Variants in WDR36 observed in about 807,000 individuals in gnomAD.
WDR36 encodes the protein WD repeat-containing protein 36.
Under a neutral mutation model 112.7 loss-of-function variants are expected in WDR36, and 63 were observed. That is an observed-to-expected ratio of 0.56 (90% CI 0.46 to 0.69). The LOEUF (loss-of-function observed/expected upper bound fraction) is 0.69, where lower values mean the gene tolerates loss of function less well. WDR36 is among the 30% of genes least tolerant of loss of function. The pLI is 0.00. For synonymous variants in WDR36, 410 were observed against 362.2 expected (o/e 1.13, Z -1.50); for missense variants, 1,226 against 1,070.3 (o/e 1.15, Z -2.03).
chr5:111,116,996 T>C (rs868431875), intron 16 of WDR36, among the ~76,000 whole-genome samples: 1 of 152,234 alleles, frequency 6.6e-6, no homozygotes, highest in African/African-American at 2.4e-5. Context: ...GTTTAATCTT[T>C]ATATGTGTTA....
intron 13 of WDR36, 101 bp downstream of exon 13, chr5:111,110,404 A>G: frequency 2.1e-6 from 2 of 962,946 alleles, no homozygotes; most frequent in Non-Finnish European, 3.3e-6. Flanking sequence ...ATTTTGCTAA[A>G]GTTGAAGATG....
At chr5:111,101,356 T>A (rs1001158126) in intron 5 of WDR36, among the ~76,000 whole-genome samples, 3 of 151,832 alleles carry the variant, frequency 2.0e-5, no homozygotes, top group African/African-American at 7.2e-5. Flanking sequence ...ATAATAATAA[T>A]GAGATTATTA....
At chr5:111,126,041 G>A (rs1261396655) in intron 22 of WDR36, among the ~76,000 whole-genome samples, 1 of 152,006 alleles carries the variant, frequency 6.6e-6, no homozygotes, top group Non-Finnish European at 1.5e-5. Flanking sequence ...CTACCACATT[G>A]GACAGCTAGA....
At chr5:111,097,347 G>T (rs1011324959) in intron 3 of WDR36, among the ~76,000 whole-genome samples, 168 bp downstream of exon 3, 3 of 152,084 alleles carry the variant, frequency 2.0e-5, no homozygotes, top group African/African-American at 7.2e-5. Flanking sequence ...TTCAGAAAAG[G>T]CTTACTTAAA....
At chr5:111,126,592 A>G (rs965979531) in intron 22 of WDR36, 142 bp from the exon 23 acceptor site, 19 of 903,510 alleles carry the variant, frequency 2.1e-5, no homozygotes, top group Admixed American at 1.6e-4. Context: ...GGAGGGGAAA[A>G]TGGGAGATAG....
At position 111,107,458 on chromosome 5, in the gene WDR36, A is replaced by G. The variant is rs1753242768; in HGVS notation, c.1326+19A>G. The G allele has an allele frequency of 6.2e-7, 1 of 1,608,360 alleles. No homozygotes were observed. Among genetic ancestry groups the G allele is most frequent in the South Asian group, 1.1e-5 (1 of 90,892 alleles). On this transcript the variant is annotated intron_variant, in intron 12 of 22. Transcript: ENST00000513710. ...TGCAACAGTAAGTGAGCTTGTTTAT[A>G]AGAGTATCTTCTCTTTAAAACTTTC...
Position 111,124,190 on chromosome 5 carries a change from G to A in WDR36, c.2350+1G>A. 6.2e-7 allele frequency: 1 copy of A among 1,607,470 alleles called. No homozygotes were observed. Among genetic ancestry groups the A allele is most frequent in the Non-Finnish European group, 8.5e-7 (1 of 1,175,938 alleles). ...GAAGAAGGACTGGTAAATAATAAGTGTAAGTTGAATTATAAGATATTTTAA... is the reference window on the plus strand; with the variant it reads ...GAAGAAGGACTGGTAAATAATAAGTATAAGTTGAATTATAAGATATTTTAA... On this transcript the variant is annotated splice_donor_variant, in intron 21 of 22. Coordinates refer to ENST00000513710, the MANE Select transcript of WDR36 (RefSeq NM_139281.3). LOFTEE classifies it high-confidence loss of function.
Position 111,111,211 on chromosome 5 carries a change from T to C in WDR36, c.1649T>C (p.Val550Ala), listed in dbSNP as rs370645445. 2.5e-6 allele frequency: 4 copies of C among 1,611,902 alleles called. No homozygotes were observed. The highest frequency in any genetic ancestry group is 3.4e-6 in the Non-Finnish European group (4 of 1,178,322). The change falls in exon 15 of 23, where the codon GTT becomes GCT. Residue 550 changes from valine to alanine, a missense_variant. Transcript: ENST00000513710. ...GLALDDFSIS[V>A]LDIETRKIVR... The stretch of plus-strand genomic sequence containing the variant: ...GCCTTGGATGACTTCTCCATTAGTG[T>C]TCTGGACATAGAAACTAGGAAGATT...
At chr5:111,095,022 A>G (rs1580388674) in intron 2 of WDR36, 75 bp downstream of exon 2, 1 of 1,368,494 alleles carries the variant, frequency 7.3e-7, no homozygotes, top group East Asian at 2.4e-5. Flanking sequence ...TGAGACTTAC[A>G]GAGCATATAA....
intron 4 of WDR36, among the ~76,000 whole-genome samples, chr5:111,099,463 G>GTTTTTTTTTTTTTTTTTTTTTTTTTTTTT (rs67437234): frequency 1.2e-4 from 10 of 84,964 alleles, no homozygotes; most frequent in Non-Finnish European, 1.7e-4. Flanking sequence ...TTTTTTTTTT[G>GTTTTTTTTTTTTTTTTTTTTTTTTTTTTT]TTTTTTTTTT....
chr5:111,098,643 A>G, intron 3 of WDR36, 79 bp from the exon 4 acceptor site: 1 of 957,874 alleles, frequency 1.0e-6, no homozygotes, highest in Non-Finnish European at 1.7e-6. Context: ...CAGGATTAGC[A>G]TGTTTTTGGG....
intron 4 of WDR36, among the ~76,000 whole-genome samples, chr5:111,099,441 GTTT>G (rs1234302447): frequency 1.0e-5 from 1 of 98,204 alleles, no homozygotes; most frequent in South Asian, 2.8e-4. Flanking sequence ...TTGCCTCTTG[GTTT>G]TTTTTTGTTT....
At chr5:111,118,533 G>A (rs1458212826) in intron 16 of WDR36, among the ~76,000 whole-genome samples, 5 of 152,138 alleles carry the variant, frequency 3.3e-5, no homozygotes, top group Non-Finnish European at 7.4e-5. Context: ...AATAGGTACA[G>A]TTGCTCAAAA....
intron 16 of WDR36, 101 bp from the exon 17 acceptor site, chr5:111,118,912 C>A: frequency 1.1e-6 from 1 of 886,622 alleles, no homozygotes; most frequent in Non-Finnish European, 1.9e-6. Flanking sequence ...AAAACATTTT[C>A]TGCATCTCTT....
At position 111,118,838 on chromosome 5, in the gene WDR36, A is replaced by T. The variant is rs537020621; in HGVS notation, c.1797-175A>T. 2.6e-5 allele frequency among the ~76,000 whole-genome samples: 4 copies of T among 152,208 alleles called. No homozygotes were observed. The East Asian group carries it at 7.7e-4, about 29-fold the overall frequency. ...TAAGTGAGATTATTTTCACATAGTAACTTAGTTAACAAAGCTGTTTATTAG... is the reference window on the plus strand; with the variant it reads ...TAAGTGAGATTATTTTCACATAGTATCTTAGTTAACAAAGCTGTTTATTAG... On this transcript the variant is annotated intron_variant, in intron 16 of 22. Coordinates refer to ENST00000513710, the MANE Select transcript of WDR36 (RefSeq NM_139281.3).
intron 4 of WDR36, among the ~76,000 whole-genome samples, chr5:111,099,547 AC>A (rs1753076505): frequency 7.0e-6 from 1 of 143,838 alleles, no homozygotes; most frequent in Non-Finnish European, 1.5e-5. Context: ...CAGATTAGTA[AC>A]CCTTTTCTTG....
Position 111,129,466 on chromosome 5 carries a change from C to G in WDR36, c.*2583C>G, listed in dbSNP as rs566357436. 1.5e-4 allele frequency: 28 copies of G among 193,022 alleles called. No homozygotes were observed. Among genetic ancestry groups the G allele is most frequent in the Admixed American group, 3.1e-4 (5 of 16,356 alleles). 12.0% of individuals were successfully genotyped at this position (193,022 alleles called of 1,614,324 possible). A position where few individuals can be genotyped will look rare whatever the true frequency, so the allele number is the denominator to read the frequency against. ...TATTTTGGTTTTAAATCAGAAATTT[C>G]TCACTAGTGAAGATGGACATATTTT... On this transcript the variant is annotated 3_prime_UTR_variant, in exon 23 of 23. Transcript: ENST00000513710.
Position 111,127,758 on chromosome 5 carries a change from CT to C in WDR36, c.*879del, listed in dbSNP as rs1405344650. The C allele has an allele frequency of 1.9e-5, 4 of 210,398 alleles. No homozygotes were observed. Among genetic ancestry groups the C allele is most frequent in the Non-Finnish European group, 2.9e-5 (3 of 103,654 alleles). The allele number at this position is 210,398 out of a possible 1,614,324, so 13.0% of individuals were successfully genotyped here. A position where few individuals can be genotyped will look rare whatever the true frequency, so the allele number is the denominator to read the frequency against. On this transcript the variant is annotated 3_prime_UTR_variant, in exon 23 of 23. Transcript: ENST00000513710. ...ATTCCAAATTCCATTGGAAGATGGC[CT>C]TTTACTGACACTGCAGACATGTAGA...
intron 16 of WDR36, among the ~76,000 whole-genome samples, chr5:111,115,787 A>G (rs1209792785): frequency 1.3e-5 from 2 of 152,188 alleles, no homozygotes; most frequent in African/African-American, 2.4e-5. Context: ...AGTTTCCTGT[A>G]AAGTTTTTTT....
Sources: allele counts gnomAD v4.1 joint callset (sites outside exome capture counted in the v4.1 genomes callset), GRCh38; gene constraint gnomAD v4.1.1; transcripts MANE v1.5; gene names NCBI Gene and HGNC (gene_info 2026-07-23, HGNC 2026-07-21).